Variants in MTA1 observed in about 807,000 individuals in gnomAD.
MTA1 encodes the protein metastasis associated 1.
Under a neutral mutation model 97.0 loss-of-function variants are expected in MTA1, and 15 were observed. The ratio of observed to expected loss-of-function variants is 0.15; its 90% CI spans 0.10 to 0.24. The LOEUF (loss-of-function observed/expected upper bound fraction) is 0.24, where lower values mean the gene tolerates loss of function less well. MTA1 is among the 10% of genes least tolerant of loss of function. The pLI, the probability that MTA1 is intolerant of heterozygous loss-of-function variation, is 1.00. For synonymous variants in MTA1, 435 were observed against 417.5 expected (o/e 1.04, Z -0.51); for missense variants, 709 against 1,015.1 (o/e 0.70, Z 4.10).
At chr14:105,440,388 C>T (rs1179044495) in intron 2 of MTA1, among the ~76,000 whole-genome samples, 2 of 152,322 alleles carry the variant, frequency 1.3e-5, no homozygotes, top group Middle Eastern at 3.4e-3. Flanking sequence ...GCAGATGGCA[C>T]TGCTGGCCCC....
Position 105,462,054 on chromosome 14 carries a change from G to A in MTA1, c.942+1101G>A, listed in dbSNP as rs1178833835. ...GAGGAGACCCCAGTGCTGAGCCCAC[G>A]TGATGCCTAGCGAGGCAGCGCTCAG... is the stretch of plus-strand genomic sequence containing the variant. On this transcript the variant is annotated intron_variant, in intron 10 of 20. Transcript: ENST00000331320. Among the ~76,000 whole-genome samples the A allele has an allele frequency of 3.3e-5, 5 of 152,268 alleles. No homozygotes were observed. The East Asian group carries it at 5.8e-4, about 18-fold the overall frequency.
intron 17 of MTA1, 30 bp from the exon 18 acceptor site, chr14:105,466,677 T>C: frequency 6.2e-7 from 1 of 1,603,908 alleles, no homozygotes; most frequent in Non-Finnish European, 8.5e-7. Context: ...CGCTGTCTTC[T>C]CTCCCTCTCT....
chr14:105,462,447 T>A (rs1455068865), intron 10 of MTA1, among the ~76,000 whole-genome samples: 1 of 151,920 alleles, frequency 6.6e-6, no homozygotes, highest in Non-Finnish European at 1.5e-5. Flanking sequence ...CAGGCTCCTG[T>A]AGTCCCAGCT....
At chr14:105,430,511 A>G (rs914274906) in intron 1 of MTA1, among the ~76,000 whole-genome samples, 1 of 152,144 alleles carries the variant, frequency 6.6e-6, no homozygotes. Flanking sequence ...AAATGTTGAG[A>G]GAATTACCAA....
chr14:105,441,064 G>A (rs1406335170), intron 2 of MTA1, among the ~76,000 whole-genome samples: 1 of 152,176 alleles, frequency 6.6e-6, no homozygotes, highest in Non-Finnish European at 1.5e-5. Context: ...AGGATGGGGA[G>A]AACAGGAACC....
intron 3 of MTA1, among the ~76,000 whole-genome samples, chr14:105,446,426 C>T (rs1555427188): frequency 6.6e-6 from 1 of 152,220 alleles, no homozygotes; most frequent in African/African-American, 2.4e-5. Flanking sequence ...CAAGGTCCCA[C>T]CTGTAACCTC....
rs781679805 is a variant in MTA1 at position 105,463,125 on chromosome 14, G to T, written c.943-59G>T. The T allele has an allele frequency of 4.5e-4, 696 of 1,540,408 alleles. No homozygotes were observed. Among genetic ancestry groups the T allele is most frequent in the Non-Finnish European group, 5.6e-4 (627 of 1,121,192 alleles). The stretch of plus-strand genomic sequence containing the variant: ...TCTGGCCGCAGCCCTGCCCCTGCCT[G>T]CATGGTGTGCCTGCCTCCTGCCCCT... On this transcript the variant is annotated intron_variant, in intron 10 of 20. Coordinates refer to ENST00000331320, the MANE Select transcript of MTA1 (RefSeq NM_004689.4). The surrounding 1 kb of genome is among the most constrained non-coding windows in gnomAD (Gnocchi z 5.9).
chr14:105,443,972 C>T (rs1345744875), intron 2 of MTA1, among the ~76,000 whole-genome samples: 3 of 152,046 alleles, frequency 2.0e-5, no homozygotes, highest in African/African-American at 7.3e-5. Flanking sequence ...CCTATAGTTC[C>T]AGCTACTCAG....
At position 105,463,588 on chromosome 14, in the gene MTA1, C is replaced by T. The variant is rs201362507; in HGVS notation, c.1076+37C>T. The T allele has an allele frequency of 1.6e-5, 25 of 1,605,502 alleles. No homozygotes were observed. The highest frequency in any genetic ancestry group is 8.3e-5 in the Admixed American group (5 of 59,978). On this transcript the variant is annotated intron_variant, in intron 12 of 20. Transcript: ENST00000331320. The surrounding 1 kb of genome is among the most constrained non-coding windows in gnomAD (Gnocchi z 5.9). Reference sequence around the variant, plus strand: ...CTCACAGCCGTCGTCCTCGTGGCCCCGGGGGCCAGGGAGGGTGGGCACAGG... The same window carrying T: ...CTCACAGCCGTCGTCCTCGTGGCCCTGGGGGCCAGGGAGGGTGGGCACAGG...
At chr14:105,467,403 C>T (rs2083639719) in intron 18 of MTA1, 1 of 455,586 alleles carries the variant, frequency 2.2e-6, no homozygotes, top group South Asian at 1.5e-5. Flanking sequence ...GGCAGCAGGG[C>T]CGGTTTGGCG....
chr14:105,455,225 T>G (rs993199129), intron 7 of MTA1, among the ~76,000 whole-genome samples: 9 of 152,250 alleles, frequency 5.9e-5, no homozygotes, highest in Non-Finnish European at 8.8e-5. Context: ...AAAGTTCTTT[T>G]TGCCTCCAGA....
At chr14:105,433,040 T>G (rs2141446467) in intron 1 of MTA1, among the ~76,000 whole-genome samples, 1 of 152,282 alleles carries the variant, frequency 6.6e-6, no homozygotes, top group African/African-American at 2.4e-5. Flanking sequence ...TCGGGTTCAG[T>G]AATTCACTAG....
chr14:105,465,781 A>G (rs1167622184), intron 16 of MTA1: 1 of 152,206 alleles, frequency 6.6e-6, no homozygotes, highest in Non-Finnish European at 1.5e-5. Flanking sequence ...TGGGCCAGAC[A>G]TTTGTGGTGG....
rs1406195881 is a variant in MTA1 at position 105,465,413 on chromosome 14, AGCGGCC to A, written c.1624+233_1624+238del. The A allele has an allele frequency of 1.9e-5, 7 of 376,366 alleles. No homozygotes were observed. In the South Asian group the frequency reaches 6.8e-4, roughly 37 times the overall value. 23.3% of individuals were successfully genotyped at this position (376,366 alleles called of 1,614,324 possible). A position where few individuals can be genotyped will look rare whatever the true frequency, so the allele number is the denominator to read the frequency against. On this transcript the variant is annotated intron_variant, in intron 16 of 20. Coordinates refer to ENST00000331320, the MANE Select transcript of MTA1 (RefSeq NM_004689.4). Reference sequence around the variant, plus strand: ...GTCGTGATGGGGCCCAGTGCGGAGTAGCGGCCGCCCTGTCTTCTGCGGGGCCAGCCT... The same window carrying A: ...GTCGTGATGGGGCCCAGTGCGGAGTAGCCCTGTCTTCTGCGGGGCCAGCCT...
chr14:105,463,414 C>T lies in MTA1; in HGVS notation c.1018-79C>T, dbSNP rs1019626672. The T allele has an allele frequency of 6.5e-5, 101 of 1,544,228 alleles. 3 individuals carry two copies. The Middle Eastern group carries it at 1.3e-3, about 21-fold the overall frequency. ...GTCCTCTCCGTGGTGCTCTCCTCTC[C>T]GTAGCCTCCAGCCTGTCTGCACTGC... On this transcript the variant is annotated intron_variant, in intron 11 of 20. Transcript: ENST00000331320. The surrounding 1 kb of genome is among the most constrained non-coding windows in gnomAD (Gnocchi z 5.9).
intron 1 of MTA1, among the ~76,000 whole-genome samples, chr14:105,437,732 C>T (rs8010074): frequency 1 from 152,208 of 152,340 alleles, 76,038 homozygotes; most frequent in Non-Finnish European, 1. Context: ...TGCTCAGTCC[C>T]CCCTGCGGAG....
intron 1 of MTA1, among the ~76,000 whole-genome samples, chr14:105,421,317 C>T (rs2081827678): frequency 6.6e-6 from 1 of 152,134 alleles, no homozygotes; most frequent in South Asian, 2.1e-4. Flanking sequence ...AGCCTGGGTG[C>T]GGGGTCCCTC....
intron 1 of MTA1, among the ~76,000 whole-genome samples, chr14:105,429,651 C>T (rs1431867635): frequency 6.6e-6 from 1 of 150,684 alleles, no homozygotes; most frequent in African/African-American, 2.4e-5. Flanking sequence ...GACGGGGTTT[C>T]ACCATGTTAG....
rs1292993821 is a variant in MTA1, at chr14:105,420,306, T to A, written c.28+243T>A. 6.8e-6 allele frequency among the ~76,000 whole-genome samples: 1 copy of A among 146,920 alleles called. No individual in the cohort carries two copies. Among genetic ancestry groups the A allele is most frequent in the Admixed American group, 6.8e-5 (1 of 14,788 alleles). ...CGGGGGTGGGGGGCGGCCCACCTGTTGGGGCCGAGGGGGCGGCCGCGGGGG... is the reference window on the plus strand; with the variant it reads ...CGGGGGTGGGGGGCGGCCCACCTGTAGGGGCCGAGGGGGCGGCCGCGGGGG... On this transcript the variant is annotated intron_variant, in intron 1 of 20. Coordinates refer to ENST00000331320, the MANE Select transcript of MTA1 (RefSeq NM_004689.4). The surrounding 1 kb of genome is among the most constrained non-coding windows in gnomAD (Gnocchi z 5.3).
Sources: gnomAD v4.1 joint callset for allele counts (sites outside exome capture counted in the v4.1 genomes callset) on GRCh38, gnomAD v4.1.1 for gene constraint, Gnocchi (gnomAD v3.1) non-coding constraint, MANE v1.5 for transcripts, NCBI Gene and HGNC (gene_info 2026-07-23, HGNC 2026-07-21) for gene names.